The following AGAP1 variants were observed in gnomAD, a reference collection of about 807,000 sequenced individuals.
AGAP1 encodes arf-GAP with GTPase, ANK repeat and PH domain-containing protein 1.
In AGAP1, 29 loss-of-function variants were observed where a neutral mutation model predicts 105.3. The ratio of observed to expected loss-of-function variants is 0.28; its 90% CI spans 0.21 to 0.38. The LOEUF (loss-of-function observed/expected upper bound fraction) is 0.38. Ranked by LOEUF, AGAP1 falls within the 10% of genes least tolerant of loss-of-function variation. The pLI, the probability that AGAP1 is intolerant of heterozygous loss-of-function variation, is 1.00. For synonymous variants in AGAP1, 509 were observed against 485.9 expected (o/e 1.05, Z -0.63); for missense variants, 998 against 1,165.1 (o/e 0.86, Z 2.09).
At chr2:236,118,849 T>G (rs2059834521) in intron 16 of AGAP1, among the ~76,000 whole-genome samples, 1 of 152,048 alleles carries the variant, frequency 6.6e-6, no homozygotes, top group Admixed American at 6.6e-5. Flanking sequence ...TTTTTTCCCC[T>G]CTAGCGGTGC....
intron 1 of AGAP1, among the ~76,000 whole-genome samples, chr2:235,536,179 A>ACACACAC (rs59913364): frequency 1.1e-5 from 1 of 87,230 alleles, no homozygotes; most frequent in Non-Finnish European, 2.2e-5. Context: ...ACACACACAC[A>ACACACAC]GCAGGACCCC....
intron 16 of AGAP1, among the ~76,000 whole-genome samples, chr2:236,107,450 A>G (rs1178387398): frequency 1.3e-5 from 2 of 152,124 alleles, no homozygotes; most frequent in African/African-American, 2.4e-5. Flanking sequence ...TTCCTCAGAC[A>G]GTCTCCATAG....
rs912839834 is a variant in AGAP1, at chr2:235,596,910, C to T, written c.163+102061C>T. Among the ~76,000 whole-genome samples the T allele has an allele frequency of 6.6e-6, 1 of 152,110 alleles. No homozygotes were observed. The highest frequency in any genetic ancestry group is 2.4e-5 in the African/African-American group (1 of 41,430). On this transcript the variant is annotated intron_variant, in intron 1 of 17. Transcript: ENST00000304032. This position sits in a 1 kb window ranked among gnomAD's most constrained non-coding sequence, Gnocchi z 5.9. The stretch of plus-strand genomic sequence containing the variant: ...CCCCTCAGGAGCGCTTGCTCTGTAC[C>T]CTATGAGGACATCATGAGGAGATAT...
intron 9 of AGAP1, among the ~76,000 whole-genome samples, chr2:235,819,860 A>G (rs1325613052): frequency 6.7e-6 from 1 of 149,886 alleles, no homozygotes; most frequent in Non-Finnish European, 1.5e-5. Context: ...ACTAGGTAGC[A>G]TAGGTTAATT....
At chr2:235,780,339 G>C (rs533559608) in intron 6 of AGAP1, among the ~76,000 whole-genome samples, 1 of 152,196 alleles carries the variant, frequency 6.6e-6, no homozygotes, top group East Asian at 1.9e-4. Context: ...ACAGAAAATT[G>C]GATTCTGCCC....
chr2:236,011,025 C>G (rs6431419), intron 13 of AGAP1, among the ~76,000 whole-genome samples: 34 of 152,054 alleles, frequency 2.2e-4, no homozygotes, highest in African/African-American at 8.2e-4. Context: ...CCAGCCTGGG[C>G]TAACAGTGCA....
At chr2:235,598,719 C>G (rs1384080354) in intron 1 of AGAP1, among the ~76,000 whole-genome samples, 1 of 152,198 alleles carries the variant, frequency 6.6e-6, no homozygotes, top group Non-Finnish European at 1.5e-5. Context: ...AGTCGTCCCT[C>G]CGGGTGCTGA....
In AGAP1 at chr2:236,113,269, T is replaced by C. The variant is rs565667254; in HGVS notation, c.2115-6923T>C. On this transcript the variant is annotated intron_variant, in intron 16 of 17. Transcript: ENST00000304032. The surrounding 1 kb of genome is among the most constrained non-coding windows in gnomAD (Gnocchi z 4.3). ...AATTCTCTGCCTCAGCCCCCCCGAG[T>C]AGCTGGGATTACAGGCATCCGCCAC... is the stretch of plus-strand genomic sequence containing the variant. 6.6e-6 allele frequency among the ~76,000 whole-genome samples: 1 copy of C among 152,120 alleles called. No homozygotes were observed. The highest frequency in any genetic ancestry group is 1.5e-5 in the Non-Finnish European group (1 of 68,010).
At chr2:236,060,643 C>T (rs1012956512) in intron 16 of AGAP1, among the ~76,000 whole-genome samples, 3 of 151,634 alleles carry the variant, frequency 2.0e-5, no homozygotes, top group South Asian at 4.2e-4. Flanking sequence ...TGCAGTGAGC[C>T]GTGATCGCAC....
chr2:235,573,495 C>T (rs1033468069), intron 1 of AGAP1, among the ~76,000 whole-genome samples: 7 of 152,110 alleles, frequency 4.6e-5, no homozygotes, highest in African/African-American at 1.7e-4. Flanking sequence ...GGAAAAAGTC[C>T]TCTTATTTAA....
At chr2:235,528,169 C>A (rs1330754994) in intron 1 of AGAP1, among the ~76,000 whole-genome samples, 1 of 152,102 alleles carries the variant, frequency 6.6e-6, no homozygotes, top group Non-Finnish European at 1.5e-5. Flanking sequence ...GAAAGTTTTA[C>A]CAATTTACCC....
At chr2:235,668,161 T>C (rs1318173381) in intron 1 of AGAP1, among the ~76,000 whole-genome samples, 1 of 152,094 alleles carries the variant, frequency 6.6e-6, no homozygotes, top group Admixed American at 6.6e-5. Context: ...CAGAGGGTGC[T>C]CAGGTGTATT....
chr2:235,983,397 C>T lies in AGAP1; in HGVS notation c.1645+14774C>T, dbSNP rs1436930588. On this transcript the variant is annotated intron_variant, in intron 13 of 17. Coordinates refer to ENST00000304032, the MANE Select transcript of AGAP1 (RefSeq NM_001037131.3). This position sits in a 1 kb window ranked among gnomAD's most constrained non-coding sequence, Gnocchi z 4.5. ...TTTCTACATTCTGGCCCCTTTTTCT[C>T]CTTTCCTTCTTTCTCTTCCATTCTC... 1.3e-5 allele frequency among the ~76,000 whole-genome samples: 2 copies of T among 152,156 alleles called. No homozygotes were observed. Among genetic ancestry groups the T allele is most frequent in the African/African-American group, 4.8e-5 (2 of 41,448 alleles).
rs1019929095 is a variant in AGAP1, at chr2:236,044,951, G to A, written c.1892-4108G>A. Among the ~76,000 whole-genome samples the A allele has an allele frequency of 6.6e-5, 10 of 152,104 alleles. No homozygotes were observed. Among genetic ancestry groups the A allele is most frequent in the Non-Finnish European group, 7.4e-5 (5 of 68,016 alleles). On this transcript the variant is annotated intron_variant, in intron 15 of 17. Coordinates refer to ENST00000304032, the MANE Select transcript of AGAP1 (RefSeq NM_001037131.3). The surrounding 1 kb of genome is among the most constrained non-coding windows in gnomAD (Gnocchi z 5.7). Reference sequence around the variant, plus strand: ...CAGCAGAAAGGGTAGGCTGCCTCTCGGGGCCTGTCCATGATTGCAGCAGTG... The same window carrying A: ...CAGCAGAAAGGGTAGGCTGCCTCTCAGGGCCTGTCCATGATTGCAGCAGTG...
At chr2:235,773,407 G>A (rs1198998505) in intron 6 of AGAP1, among the ~76,000 whole-genome samples, 1 of 152,180 alleles carries the variant, frequency 6.6e-6, no homozygotes, top group Non-Finnish European at 1.5e-5. Flanking sequence ...AAGTTACAAA[G>A]TTACACTCCT....
chr2:235,625,921 G>C lies in AGAP1; in HGVS notation c.164-83258G>C, dbSNP rs1449847238. ...ACATTTATTCTTGAAATTCCACACA[G>C]AGAAAGGTGTTTCGGGGAAGTAGAA... is the stretch of plus-strand genomic sequence containing the variant. On this transcript the variant is annotated intron_variant, in intron 1 of 17. Transcript: ENST00000304032. The surrounding 1 kb of genome is among the most constrained non-coding windows in gnomAD (Gnocchi z 4.0). 3.3e-5 allele frequency among the ~76,000 whole-genome samples: 5 copies of C among 152,196 alleles called. No homozygotes were observed.
In AGAP1 at chr2:235,962,277, C is replaced by T. The variant is rs1262185330; in HGVS notation, c.1484-6185C>T. On this transcript the variant is annotated intron_variant, in intron 12 of 17. Coordinates refer to ENST00000304032, the MANE Select transcript of AGAP1 (RefSeq NM_001037131.3). The surrounding 1 kb of genome is among the most constrained non-coding windows in gnomAD (Gnocchi z 5.3). ...ACACAGAGGAGGCCGGTGTGCATGG[C>T]ACCACCCTCTCCCAGCCCTGGCCCA... is the stretch of plus-strand genomic sequence containing the variant. Among the ~76,000 whole-genome samples, 1 of 152,070 alleles carries T rather than the reference C, an allele frequency of 6.6e-6. No homozygotes were observed. The highest frequency in any genetic ancestry group is 1.5e-5 in the Non-Finnish European group (1 of 68,010).
chr2:235,686,611 GGA>G (rs1559350194), intron 1 of AGAP1, among the ~76,000 whole-genome samples: 12 of 75,488 alleles, frequency 1.6e-4, no homozygotes, highest in African/African-American at 6.3e-4. Flanking sequence ...ATATATACGT[GGA>G]GATATAGATA....
rs986282827 is a variant in AGAP1, at chr2:235,964,735, A to G, written c.1484-3727A>G. On this transcript the variant is annotated intron_variant, in intron 12 of 17. Transcript: ENST00000304032. The surrounding 1 kb of genome is among the most constrained non-coding windows in gnomAD (Gnocchi z 4.6). ...GTGGAATCTAGTATTTCAGAAATACATATAAGAACCACTACTTTAGAAATA... is the reference window on the plus strand; with the variant it reads ...GTGGAATCTAGTATTTCAGAAATACGTATAAGAACCACTACTTTAGAAATA... 3.9e-5 allele frequency among the ~76,000 whole-genome samples: 6 copies of G among 152,160 alleles called. No individual in the cohort carries two copies. The highest frequency in any genetic ancestry group is 5.9e-5 in the Non-Finnish European group (4 of 68,034).
Sources: gnomAD v4.1 joint callset for allele counts (sites outside exome capture counted in the v4.1 genomes callset) on GRCh38, gnomAD v4.1.1 for gene constraint, Gnocchi (gnomAD v3.1) non-coding constraint, MANE v1.5 for transcripts, NCBI Gene and HGNC (gene_info 2026-07-23, HGNC 2026-07-21) for gene names.